The following TSPAN5 variants were observed in gnomAD, a reference collection of about 807,000 sequenced individuals.
The protein encoded by TSPAN5 is tetraspanin 5.
A neutral mutation model predicts 37.1 loss-of-function variants in TSPAN5; 10 were observed. That is an observed-to-expected ratio of 0.27 (90% CI 0.17 to 0.46). The LOEUF (loss-of-function observed/expected upper bound fraction) is 0.46, where lower values mean the gene tolerates loss of function less well. TSPAN5 is among the 20% of genes least tolerant of loss of function. The pLI is 1.00. For missense variants in TSPAN5, 195 were observed against 326.6 expected, an observed-to-expected ratio of 0.60 and a Z score of 3.11; for synonymous variants, 110 against 118.9, an observed-to-expected ratio of 0.93 and a Z score of 0.48.
chr4:98,599,786 T>G (rs1468684882), intron 1 of TSPAN5, among the ~76,000 whole-genome samples: 1 of 152,262 alleles, frequency 6.6e-6, no homozygotes, highest in East Asian at 1.9e-4. Context: ...CTGAGTAGTA[T>G]TCCATTTTAT....
chr4:98,529,008 T>C (rs1754022158), intron 1 of TSPAN5, among the ~76,000 whole-genome samples: 1 of 152,094 alleles, frequency 6.6e-6, no homozygotes, highest in Non-Finnish European at 1.5e-5. Flanking sequence ...GTCACACAGA[T>C]TGACAGTGGT....
At chr4:98,610,474 C>T (rs929482133) in intron 1 of TSPAN5, among the ~76,000 whole-genome samples, 3 of 152,200 alleles carry the variant, frequency 2.0e-5, no homozygotes, top group Non-Finnish European at 2.9e-5. Context: ...GGTAAATCAA[C>T]TCCAACTTCC....
intron 1 of TSPAN5, among the ~76,000 whole-genome samples, chr4:98,566,078 G>T (rs1014274637): frequency 6.6e-6 from 1 of 152,118 alleles, no homozygotes; most frequent in Non-Finnish European, 1.5e-5. Flanking sequence ...AAGGGGAGGG[G>T]AGGCAACAGC....
intron 1 of TSPAN5, among the ~76,000 whole-genome samples, chr4:98,644,528 TTAAG>T (rs1318110810): frequency 1.3e-5 from 2 of 152,194 alleles, no homozygotes; most frequent in Admixed American, 6.5e-5. Flanking sequence ...TTATTATACT[TTAAG>T]TTTTAGGGTA....
At chr4:98,629,751 C>T (rs1339885601) in intron 1 of TSPAN5, among the ~76,000 whole-genome samples, 3 of 152,120 alleles carry the variant, frequency 2.0e-5, no homozygotes, top group Non-Finnish European at 4.4e-5. Flanking sequence ...GCAGTAAAAA[C>T]CCAGCATTCA....
chr4:98,480,095 C>T (rs1752805372), intron 4 of TSPAN5, among the ~76,000 whole-genome samples: 1 of 152,174 alleles, frequency 6.6e-6, no homozygotes, highest in Non-Finnish European at 1.5e-5. Context: ...TCTATTATTT[C>T]TCGACCTGCC....
intron 1 of TSPAN5, among the ~76,000 whole-genome samples, chr4:98,521,342 A>C (rs1191478847): frequency 6.6e-6 from 1 of 152,202 alleles, no homozygotes; most frequent in African/African-American, 2.4e-5. Context: ...AGGGAGACTT[A>C]CTGCCCATTA....
chr4:98,511,380 G>A (rs1031052649), intron 1 of TSPAN5, among the ~76,000 whole-genome samples: 1 of 152,148 alleles, frequency 6.6e-6, no homozygotes, highest in African/African-American at 2.4e-5. Context: ...ACGCACCTAG[G>A]CTATATGGTA....
At chr4:98,589,154 G>A (rs1755564946) in intron 1 of TSPAN5, among the ~76,000 whole-genome samples, 2 of 152,178 alleles carry the variant, frequency 1.3e-5, no homozygotes, top group South Asian at 2.1e-4. Flanking sequence ...CCCTAGATTA[G>A]TACATGCTGG....
chr4:98,516,960 C>T (rs1753744859), intron 1 of TSPAN5, among the ~76,000 whole-genome samples: 1 of 152,200 alleles, frequency 6.6e-6, no homozygotes, highest in Non-Finnish European at 1.5e-5. Context: ...ACTTCCCAGC[C>T]TGCAGAACCA....
intron 1 of TSPAN5, among the ~76,000 whole-genome samples, chr4:98,650,038 T>C (rs1306622366): frequency 2.6e-5 from 4 of 152,212 alleles, no homozygotes; most frequent in Non-Finnish European, 5.9e-5. Flanking sequence ...TATAATATGT[T>C]TGGAAGACTC....
At chr4:98,484,962 A>C (rs1388004433) in intron 3 of TSPAN5, 2 of 173,832 alleles carry the variant, frequency 1.2e-5, no homozygotes, top group Middle Eastern at 2.7e-3. Flanking sequence ...AAAATGAAAA[A>C]ATTAGCCAGG....
At chr4:98,615,977 C>A (rs1233880095) in intron 1 of TSPAN5, among the ~76,000 whole-genome samples, 1 of 152,082 alleles carries the variant, frequency 6.6e-6, no homozygotes. Flanking sequence ...AAGGAAACAA[C>A]GAAGATGCTA....
At chr4:98,526,116 A>G (rs112441949) in intron 1 of TSPAN5, among the ~76,000 whole-genome samples, 3 of 152,324 alleles carry the variant, frequency 2.0e-5, no homozygotes, top group African/African-American at 7.2e-5. Flanking sequence ...CAAAGGTCCA[A>G]GGTTTAAAGA....
chr4:98,512,266 G>A (rs1219135340), intron 1 of TSPAN5, among the ~76,000 whole-genome samples: 1 of 151,998 alleles, frequency 6.6e-6, no homozygotes, highest in Non-Finnish European at 1.5e-5. Context: ...GATCATAAAG[G>A]TGCCTGAGCT....
intron 2 of TSPAN5, among the ~76,000 whole-genome samples, chr4:98,493,389 A>G (rs1257646240): frequency 6.6e-6 from 1 of 152,206 alleles, no homozygotes; most frequent in Non-Finnish European, 1.5e-5. Context: ...AACATCAGAA[A>G]ATATCCCATG....
intron 1 of TSPAN5, among the ~76,000 whole-genome samples, chr4:98,626,642 G>C (rs746333695): frequency 2.8e-4 from 43 of 152,130 alleles, no homozygotes; most frequent in Non-Finnish European, 3.5e-4. Flanking sequence ...TGCCGGGACC[G>C]CTTTCCTGCA....
At chr4:98,598,661 C>T (rs1755812968) in intron 1 of TSPAN5, among the ~76,000 whole-genome samples, 1 of 152,088 alleles carries the variant, frequency 6.6e-6, no homozygotes, top group African/African-American at 2.4e-5. Flanking sequence ...GGGGTTTCAC[C>T]ATGTTGCCCA....
At chr4:98,484,182 A>G (rs1335390413) in intron 3 of TSPAN5, 1 of 282,178 alleles carries the variant, frequency 3.5e-6, no homozygotes, top group African/African-American at 2.2e-5. Flanking sequence ...GCAGATACCT[A>G]CATGCCCCAA....
Sources: allele counts gnomAD v4.1 joint callset (sites outside exome capture counted in the v4.1 genomes callset), GRCh38; gene constraint gnomAD v4.1.1; transcripts MANE v1.5; gene names NCBI Gene and HGNC (gene_info 2026-07-23, HGNC 2026-07-21).